MAP7: variants seen among roughly 807,000 people sequenced by gnomAD.
The protein encoded by MAP7 is ensconsin.
In MAP7, 52 loss-of-function variants were observed where a neutral mutation model predicts 94.8. The ratio of observed to expected loss-of-function variants is 0.55; its 90% CI spans 0.44 to 0.69. MAP7 has a LOEUF of 0.69. Among genes scored for constraint, MAP7 ranks in the 30% least tolerant of loss-of-function variants. The probability of loss-of-function intolerance (pLI) is 0.00; values close to 1 mark genes in which losing one functional copy is unlikely to be tolerated. For synonymous variants in MAP7, 350 were observed against 357.0 expected (o/e 0.98, Z 0.22); for missense variants, 940 against 964.6 (o/e 0.97, Z 0.34).
intron 15 of MAP7, among the ~76,000 whole-genome samples, chr6:136,356,999 T>C (rs1791170052): frequency 6.8e-6 from 1 of 147,210 alleles, no homozygotes; most frequent in South Asian, 2.1e-4. Context: ...ATTAAATGTA[T>C]TAATATTAAT....
intron 1 of MAP7, among the ~76,000 whole-genome samples, chr6:136,531,924 A>G (rs1464114866): frequency 6.6e-6 from 1 of 152,204 alleles, no homozygotes; most frequent in Admixed American, 6.5e-5. Context: ...GAAAGCTAAG[A>G]GATGGATAGA....
At chr6:136,478,451 C>A (rs1332163719) in intron 1 of MAP7, among the ~76,000 whole-genome samples, 2 of 150,626 alleles carry the variant, frequency 1.3e-5, no homozygotes, top group Non-Finnish European at 3.0e-5. Flanking sequence ...AACAAAAAAA[C>A]AAACCAAACA....
intron 1 of MAP7, chr6:136,525,727 T>C: frequency 7.8e-7 from 1 of 1,284,638 alleles, no homozygotes; most frequent in South Asian, 1.6e-5. Context: ...TCACAAGCAC[T>C]CCCTGGAGCA....
At chr6:136,421,974 T>TA (rs1372091731) in intron 1 of MAP7, among the ~76,000 whole-genome samples, 175 bp from the exon 2 acceptor site, 6 of 152,092 alleles carry the variant, frequency 3.9e-5, no homozygotes, top group South Asian at 2.1e-4. Context: ...GAAGAACACA[T>TA]AAAAAATCAA....
intron 1 of MAP7, among the ~76,000 whole-genome samples, chr6:136,536,205 G>C (rs1828876138): frequency 6.6e-6 from 1 of 152,080 alleles, no homozygotes; most frequent in African/African-American, 2.4e-5. Flanking sequence ...TAATTTCCAA[G>C]AAGTAGATAT....
intron 1 of MAP7, among the ~76,000 whole-genome samples, chr6:136,539,062 A>G (rs1423614986): frequency 6.6e-6 from 1 of 152,198 alleles, no homozygotes; most frequent in African/African-American, 2.4e-5. Flanking sequence ...TTATAAATAA[A>G]AAACGGCTTA....
chr6:136,482,245 T>C (rs1376352199), intron 1 of MAP7, among the ~76,000 whole-genome samples: 2 of 152,170 alleles, frequency 1.3e-5, no homozygotes, highest in African/African-American at 4.8e-5. Context: ...AGCAGTACCA[T>C]TTGACCCAAC....
chr6:136,437,093 G>A (rs1240286097), intron 1 of MAP7, among the ~76,000 whole-genome samples: 5 of 152,240 alleles, frequency 3.3e-5, no homozygotes, highest in Non-Finnish European at 5.9e-5. Context: ...TGTATCGGAG[G>A]AAGGAGCAGT....
Position 136,541,247 on chromosome 6 carries a change from A to C in MAP7, c.67+9095T>G, listed in dbSNP as rs1463487274. 2.6e-5 allele frequency among the ~76,000 whole-genome samples: 4 copies of C among 152,184 alleles called. 1 individual carries two copies. Among genetic ancestry groups the C allele is most frequent in the African/African-American group, 7.2e-5 (3 of 41,454 alleles). On this transcript the variant is annotated intron_variant, in intron 1 of 17. Coordinates refer to ENST00000354570, the MANE Select transcript of MAP7 (RefSeq NM_003980.6). ...ATTATTATGCATGTTATTGCCACCA[A>C]GTAGGCTTCATGATGAGGGGTGGAG...
rs542858873 is a variant in MAP7, at chr6:136,537,599, A to G, written c.67+12743T>C. ...AATCCATACAAAACTTATTTTCAAT[A>G]ATAATTCAGTTCTATTTTTACTGAA... On this transcript the variant is annotated intron_variant, in intron 1 of 17. Coordinates refer to ENST00000354570, the MANE Select transcript of MAP7 (RefSeq NM_003980.6). Among the ~76,000 whole-genome samples the G allele has an allele frequency of 1.0e-3, 154 of 152,330 alleles. 8 individuals are homozygous for G. The highest frequency in any genetic ancestry group is 4.1e-4 in the South Asian group (2 of 4,822).
chr6:136,393,898 CCT>C (rs1263680231), intron 3 of MAP7, among the ~76,000 whole-genome samples: 1 of 151,198 alleles, frequency 6.6e-6, no homozygotes, highest in Non-Finnish European at 1.5e-5. Flanking sequence ...GTCTCAGCCC[CCT>C]GAGTGCTGGG....
At chr6:136,391,343 T>C (rs912176113) in intron 3 of MAP7, among the ~76,000 whole-genome samples, 12 of 138,782 alleles carry the variant, frequency 8.6e-5, no homozygotes, top group Non-Finnish European at 1.8e-4. Context: ...TAGGTGGGAA[T>C]TGAACAATGA....
At chr6:136,392,239 G>A (rs983483957) in intron 3 of MAP7, among the ~76,000 whole-genome samples, 15 of 151,900 alleles carry the variant, frequency 9.9e-5, no homozygotes, top group African/African-American at 2.7e-4. Flanking sequence ...CACTATGCCC[G>A]GCTAATTTTT....
chr6:136,498,637 C>T (rs1313535325), intron 1 of MAP7, among the ~76,000 whole-genome samples: 3 of 151,840 alleles, frequency 2.0e-5, no homozygotes, highest in Non-Finnish European at 2.9e-5. Flanking sequence ...TCCCAAACAT[C>T]ACCTAAGAGT....
intron 2 of MAP7, among the ~76,000 whole-genome samples, chr6:136,417,089 A>T (rs982055737): frequency 3.3e-5 from 5 of 152,228 alleles, no homozygotes; most frequent in Admixed American, 2.6e-4. Context: ...ACTGCACTCC[A>T]GCCTGGGCGA....
At chr6:136,377,315 T>C (rs780908682) in intron 7 of MAP7, among the ~76,000 whole-genome samples, 1 of 152,188 alleles carries the variant, frequency 6.6e-6, no homozygotes, top group Non-Finnish European at 1.5e-5. Context: ...CAGGGAGAAG[T>C]AGTAGCTATG....
chr6:136,518,789 G>A (rs534173816), intron 1 of MAP7, among the ~76,000 whole-genome samples: 9 of 152,270 alleles, frequency 5.9e-5, no homozygotes, highest in African/African-American at 2.2e-4. Context: ...TTCAAACCCA[G>A]ACTATAATCT....
chr6:136,513,801 G>A (rs1823959138), intron 1 of MAP7, among the ~76,000 whole-genome samples: 1 of 152,180 alleles, frequency 6.6e-6, no homozygotes, highest in African/African-American at 2.4e-5. Flanking sequence ...CCATACAGGG[G>A]ATCACGGCCC....
chr6:136,353,256 T>C (rs1035238010), intron 16 of MAP7, among the ~76,000 whole-genome samples: 1 of 152,236 alleles, frequency 6.6e-6, no homozygotes, highest in Non-Finnish European at 1.5e-5. Context: ...TTCAGGTGTA[T>C]TTCAAAGCAT....
Sources: allele counts gnomAD v4.1 joint callset (sites outside exome capture counted in the v4.1 genomes callset), GRCh38; gene constraint gnomAD v4.1.1; transcripts MANE v1.5; gene names NCBI Gene and HGNC (gene_info 2026-07-23, HGNC 2026-07-21).